The following CD70 variants were observed in gnomAD, a reference collection of about 807,000 sequenced individuals.
CD70 encodes CD70 molecule.
In CD70, 6 loss-of-function variants were observed where a neutral mutation model predicts 9.0. That is an observed-to-expected ratio of 0.67 (90% CI 0.37 to 1.32). The LOEUF is 1.32. CD70 is among the 40% of genes most tolerant of loss of function. The pLI, the probability that CD70 is intolerant of heterozygous loss-of-function variation, is 0.02. For missense variants in CD70, 235 were observed against 258.7 expected, an observed-to-expected ratio of 0.91 and a Z score of 0.63; for synonymous variants, 108 against 112.3, an observed-to-expected ratio of 0.96 and a Z score of 0.24.
chr19:6,583,212 G>T (rs1915952376), downstream of CD70: 2 of 569,480 alleles, frequency 3.5e-6, no homozygotes, highest in Non-Finnish European at 6.3e-6. Flanking sequence ...CCTCGGGCTT[G>T]TGACTCAGGT....
chr19:6,583,592 T>A, downstream of CD70: 1 of 534,968 alleles, frequency 1.9e-6, no homozygotes, highest in Non-Finnish European at 3.3e-6. Flanking sequence ...ACAGTCTCAC[T>A]CTGCCACCCA....
chr19:6,586,041 T>A lies in CD70; in HGVS notation c.561A>T (p.Gly187=). The A allele has an allele frequency of 1.2e-6, 2 of 1,613,248 alleles. No homozygotes were observed. Among genetic ancestry groups the A allele is most frequent in the Non-Finnish European group, 1.7e-6 (2 of 1,179,266 alleles). ...GTGGTCAGGGGCGCACCCACTGCAC[T>A]CCAAAGAAGGTCTCATCAGTGTTTC... is the stretch of plus-strand genomic sequence containing the variant. The part of the protein sequence containing the change: ...PSRNTDETFF[G]VQWVRP Residue 187 remains glycine (G), a synonymous_variant, in exon 3 of 3, where the codon GGA becomes GGT. Coordinates refer to ENST00000245903, the MANE Select transcript of CD70 (RefSeq NM_001252.5).
At chr19:6,583,109 C>T, downstream of CD70, 1 of 430,024 alleles carries the variant, frequency 2.3e-6, no homozygotes, top group African/African-American at 2.0e-5. Flanking sequence ...CCCACCACTC[C>T]TCTCACTTCC....
downstream of CD70, among the ~76,000 whole-genome samples, chr19:6,585,678 C>T (rs1460903840): frequency 7.5e-6 from 1 of 133,414 alleles, no homozygotes; most frequent in African/African-American, 2.7e-5. Flanking sequence ...TAACCAAGAA[C>T]ATTTTTTTTT....
downstream of CD70, chr19:6,583,564 TTTTTTTTTTTTTTA>T: frequency 5.3e-6 from 1 of 189,724 alleles, no homozygotes. Context: ...TTTTTTTTTT[TTTTTTTTTTTTTTA>T]AAGACAGTCT....
rs1916127296 is a variant in CD70 at position 6,590,225 on chromosome 19, A to G, written c.163-89T>C. On this transcript the variant is annotated intron_variant, in intron 1 of 2. Coordinates refer to ENST00000245903, the MANE Select transcript of CD70 (RefSeq NM_001252.5). This position sits in a 1 kb window ranked among gnomAD's most constrained non-coding sequence, Gnocchi z 5.3. Reference sequence around the variant, plus strand: ...GCCAGGAGCTCTCTTTTCTCTGTCCATCCTCCTTTCCACCTCTCATCCCAC... The same window carrying G: ...GCCAGGAGCTCTCTTTTCTCTGTCCGTCCTCCTTTCCACCTCTCATCCCAC... The G allele has an allele frequency of 1.9e-6, 2 of 1,030,688 alleles. No homozygotes were observed. The highest frequency in any genetic ancestry group is 3.1e-6 in the Non-Finnish European group (2 of 648,488). 63.8% of individuals were successfully genotyped at this position (1,030,688 alleles called of 1,614,324 possible). A position where few individuals can be genotyped will look rare whatever the true frequency, so the allele number is the denominator to read the frequency against.
downstream of CD70, chr19:6,585,811 A>C: frequency 6.0e-6 from 3 of 500,422 alleles, no homozygotes; most frequent in Non-Finnish European, 3.6e-6. Context: ...AGTAGCTGGG[A>C]TTACAGATGC....
intron 2 of CD70, 124 bp downstream of exon 2, chr19:6,589,979 C>G (rs888465514): frequency 1.3e-6 from 1 of 743,236 alleles, no homozygotes; most frequent in South Asian, 1.6e-5. Context: ...CTCTCCCTCC[C>G]TCTCTCCCTC....
downstream of CD70, among the ~76,000 whole-genome samples, chr19:6,585,058 C>G (rs1389456118): frequency 6.6e-6 from 1 of 152,134 alleles, no homozygotes; most frequent in African/African-American, 2.4e-5. Flanking sequence ...GCGATCTTGG[C>G]TCCCTGAAAC....
chr19:6,589,911 G>A (rs947942280), intron 2 of CD70, among the ~76,000 whole-genome samples, 192 bp downstream of exon 2: 5 of 120,992 alleles, frequency 4.1e-5, no homozygotes, highest in African/African-American at 1.2e-4. Context: ...CCTTTCTCTG[G>A]GCCTCTCCCT....
At chr19:6,583,240 C>T, downstream of CD70, 1 of 587,982 alleles carries the variant, frequency 1.7e-6, no homozygotes, top group South Asian at 2.1e-5. Context: ...CACTATTTTC[C>T]TCAACTGTTA....
rs574509573 is a variant in CD70 at position 6,585,995 on chromosome 19, A to T, written c.*25T>A. On this transcript the variant is annotated 3_prime_UTR_variant, in exon 3 of 3. Coordinates refer to ENST00000245903, the MANE Select transcript of CD70 (RefSeq NM_001252.5). The stretch of plus-strand genomic sequence containing the variant: ...ACTTAAATAAAATAAAATAAAATTT[A>T]AAAAACCCTAATCAGCAGCAGTGGT... 36 of 1,520,850 alleles carry T rather than the reference A, an allele frequency of 2.4e-5. No homozygotes were observed. Among genetic ancestry groups the T allele is most frequent in the African/African-American group, 2.2e-4 (16 of 71,122 alleles). 94.2% of individuals were successfully genotyped at this position (1,520,850 alleles called of 1,614,324 possible).
downstream of CD70, among the ~76,000 whole-genome samples, chr19:6,584,084 C>A (rs557866869): frequency 6.7e-6 from 1 of 148,480 alleles, no homozygotes; most frequent in East Asian, 2.0e-4. Flanking sequence ...TGAGCCACCG[C>A]GCCTGGCCTG....
chr19:6,591,115 G>A lies in CD70; in HGVS notation c.-113C>T. 2 of 1,177,452 alleles carry A rather than the reference G, an allele frequency of 1.7e-6. No individual in the cohort carries two copies. Among genetic ancestry groups the A allele is most frequent in the Non-Finnish European group, 2.3e-6 (2 of 867,392 alleles). 72.9% of individuals were successfully genotyped at this position (1,177,452 alleles called of 1,614,324 possible). On this transcript the variant is annotated 5_prime_UTR_variant, in exon 1 of 3. Coordinates refer to ENST00000245903, the MANE Select transcript of CD70 (RefSeq NM_001252.5). Reference sequence around the variant, plus strand: ...TCCCGGGGCTCCTGGGCGTCTACTTGCTTCAACCTGTCAGGGGACCAGCCT... The same window carrying A: ...TCCCGGGGCTCCTGGGCGTCTACTTACTTCAACCTGTCAGGGGACCAGCCT...
downstream of CD70, among the ~76,000 whole-genome samples, chr19:6,582,356 T>C (rs1915934205): frequency 6.6e-6 from 1 of 151,540 alleles, no homozygotes. Flanking sequence ...ATCTTTTTTT[T>C]TTTTTTTTTT....
intron 2 of CD70, among the ~76,000 whole-genome samples, chr19:6,589,345 CTCTT>C (rs1016774675): frequency 1.2e-4 from 18 of 145,954 alleles, no homozygotes; most frequent in Non-Finnish European, 2.4e-4. Flanking sequence ...CTTCCTTCTT[CTCTT>C]TCTTTTCCTT....
rs375410436 is a variant in CD70 at position 6,586,171 on chromosome 19, C to T, written c.431G>A (p.Arg144His). 25 of 1,613,976 alleles carry T rather than the reference C, an allele frequency of 1.5e-5. No homozygotes were observed. The highest frequency in any genetic ancestry group is 3.3e-5 in the South Asian group (3 of 91,084). ...GGTACAACCTTGGTGGAAGCTGAGA[C>T]GCAGCAGGCTGATGCTACGGGAGGC... is the stretch of plus-strand genomic sequence containing the variant. The part of the protein sequence containing the change: ...SPASRSISLL[R>H]LSFHQGCTIA... The change falls in exon 3 of 3, where the codon CGT becomes CAT. Residue 144 changes from arginine (R) to histidine (H), a missense_variant. Physicochemically the swap from Arg to His is conservative, Grantham distance 29 (BLOSUM62 0). Transcript: ENST00000245903.
In CD70 at chr19:6,590,651, C is replaced by G. The variant is rs1006937585; in HGVS notation, c.162+190G>C. ...TTTCCCATCCCGGGATCTCCCTGTACCTCCTGGCAGGGCTGCCTGTCTCGT... is the reference window on the plus strand; with the variant it reads ...TTTCCCATCCCGGGATCTCCCTGTAGCTCCTGGCAGGGCTGCCTGTCTCGT... On this transcript the variant is annotated intron_variant, in intron 1 of 2. Transcript: ENST00000245903. The surrounding 1 kb of genome is among the most constrained non-coding windows in gnomAD (Gnocchi z 5.3). 6.6e-6 allele frequency among the ~76,000 whole-genome samples: 1 copy of G among 152,192 alleles called. No individual in the cohort carries two copies. Among genetic ancestry groups the G allele is most frequent in the Non-Finnish European group, 1.5e-5 (1 of 68,038 alleles).
intron 2 of CD70, among the ~76,000 whole-genome samples, chr19:6,589,262 CTCTTA>C (rs997473540): frequency 6.7e-6 from 1 of 148,250 alleles, no homozygotes; most frequent in African/African-American, 2.5e-5. Context: ...TCTTTTCTTT[CTCTTA>C]TTTCTTTTTT....
Sources: gnomAD v4.1 joint callset for allele counts (sites outside exome capture counted in the v4.1 genomes callset) on GRCh38, gnomAD v4.1.1 for gene constraint, Gnocchi (gnomAD v3.1) non-coding constraint, MANE v1.5 for transcripts, NCBI Gene and HGNC (gene_info 2026-07-23, HGNC 2026-07-21) for gene names.